Variants in CEBPD observed in about 807,000 individuals in gnomAD.
CEBPD encodes CCAAT enhancer binding protein delta.
For missense variants in CEBPD, 410 were observed against 409.4 expected, an observed-to-expected ratio of 1.00 and a Z score of -0.01; for synonymous variants, 227 against 194.8, an observed-to-expected ratio of 1.17 and a Z score of -1.38.
In CEBPD at chr8:47,737,512, G is replaced by A. The variant is rs769421427; in HGVS notation, c.609C>T (p.Ile203=). 1.2e-6 allele frequency: 2 copies of A among 1,605,786 alleles called. No homozygotes were observed. The highest frequency in any genetic ancestry group is 2.3e-5 in the East Asian group (1 of 44,382). The part of the protein sequence containing the change: ...EYRQRRERNN[I]AVRKSRDKAK... ...CCTTGTCGCGGCTCTTGCGCACGGC[G>A]ATGTTGTTGCGCTCGCGCCGCTGCC... Residue 203 remains isoleucine (I), a synonymous_variant, in exon 1 of 1, where the codon ATC becomes ATT. Transcript: ENST00000408965.
Position 47,737,521 on chromosome 8 carries a change from G to A in CEBPD, c.600C>T (p.Arg200=). The stretch of plus-strand genomic sequence containing the variant: ...GGCTCTTGCGCACGGCGATGTTGTT[G>A]CGCTCGCGCCGCTGCCGGTACTCGG... ...GSPEYRQRRE[R]NNIAVRKSRD... Residue 200 remains arginine, a synonymous_variant, in exon 1 of 1, where the codon CGC becomes CGT. Transcript: ENST00000408965. 6.2e-7 allele frequency: 1 copy of A among 1,604,110 alleles called. No homozygotes were observed. Among genetic ancestry groups the A allele is most frequent in the Non-Finnish European group, 8.5e-7 (1 of 1,177,570 alleles).
Position 47,737,354 on chromosome 8 carries a change from C to A in CEBPD, c.767G>T (p.Ser256Ile), listed in dbSNP as rs766334986. 6.3e-7 allele frequency: 1 copy of A among 1,596,922 alleles called. No individual in the cohort carries two copies. Among genetic ancestry groups the A allele is most frequent in the Non-Finnish European group, 8.5e-7 (1 of 1,174,110 alleles). The change falls in exon 1 of 1, where the codon AGC (serine) becomes ATC (isoleucine). Residue 256 changes from serine (S) to isoleucine (I), a missense_variant. Coordinates refer to ENST00000408965, the MANE Select transcript of CEBPD (RefSeq NM_005195.4). The stretch of plus-strand genomic sequence containing the variant: ...CCCGGCGGCCGGCAGGAAGGGCGGG[C>A]TGGGCAGCTGCTTGAAGAACTGCCG... ...GLRQFFKQLP[S>I]PPFLPAAGTA...
Position 47,738,031 on chromosome 8 carries a change from C to A in CEBPD, c.90G>T (p.Ala30=). Reference sequence around the variant, plus strand: ...GCTCGGCCCCGCGGCCCGGCTTGCCCGCCCGGCCCGGTTCGTAGAAGGGCG... The same window carrying A: ...GCTCGGCCCCGCGGCCCGGCTTGCCAGCCCGGCCCGGTTCGTAGAAGGGCG... The part of the protein sequence containing the change: ...EPAPFYEPGR[A]GKPGRGAEPG... The change falls in exon 1 of 1, where the codon GCG becomes GCT. Residue 30 remains alanine, a synonymous_variant. Coordinates refer to ENST00000408965, the MANE Select transcript of CEBPD (RefSeq NM_005195.4). This position sits in a 1 kb window ranked among gnomAD's most constrained non-coding sequence, Gnocchi z 4.1. 7.7e-7 allele frequency: 1 copy of A among 1,296,802 alleles called. No individual in the cohort carries two copies. Among genetic ancestry groups the A allele is most frequent in the East Asian group, 3.2e-5 (1 of 30,970 alleles). 80.3% of individuals were successfully genotyped at this position (1,296,802 alleles called of 1,614,324 possible).
Position 47,737,394 on chromosome 8 carries a change from C to G in CEBPD, c.727G>C (p.Asp243His), listed in dbSNP as rs1206635286. 1 of 1,601,888 alleles carries G rather than the reference C, an allele frequency of 6.2e-7. No individual in the cohort carries two copies. The highest frequency in any genetic ancestry group is 2.3e-5 in the East Asian group (1 of 44,184). Residue 243 changes from aspartate (D) to histidine (H), a missense_variant, in exon 1 of 1, where the codon GAC becomes CAC. Transcript: ENST00000408965. ...AAGAACTGCCGGAGGCCGGCCAGGTCCCGCGTGAGCTGCTCCACGCGCTGG... is the reference window on the plus strand; with the variant it reads ...AAGAACTGCCGGAGGCCGGCCAGGTGCCGCGTGAGCTGCTCCACGCGCTGG... Reference protein sequence around the residue: ...LHQRVEQLTRDLAGLRQFFKQ... With the variant: ...LHQRVEQLTRHLAGLRQFFKQ...
rs35029833 is a variant in CEBPD at position 47,737,509 on chromosome 8, G to A, written c.612C>T (p.Ala204=). 49 of 1,606,920 alleles carry A rather than the reference G, an allele frequency of 3.0e-5. No homozygotes were observed. Among genetic ancestry groups the A allele is most frequent in the Non-Finnish European group, 3.9e-5 (46 of 1,178,570 alleles). The part of the protein sequence containing the change: ...YRQRRERNNI[A]VRKSRDKAKR... ...TGGCCTTGTCGCGGCTCTTGCGCACGGCGATGTTGTTGCGCTCGCGCCGCT... is the reference window on the plus strand; with the variant it reads ...TGGCCTTGTCGCGGCTCTTGCGCACAGCGATGTTGTTGCGCTCGCGCCGCT... The change falls in exon 1 of 1, where the codon GCC becomes GCT. Residue 204 remains alanine, a synonymous_variant. Coordinates refer to ENST00000408965, the MANE Select transcript of CEBPD (RefSeq NM_005195.4).
chr8:47,738,085 C>A lies in CEBPD; in HGVS notation c.36G>T (p.Ala12=). 8.4e-7 allele frequency: 1 copy of A among 1,191,670 alleles called. No homozygotes were observed. 73.8% of individuals were successfully genotyped at this position (1,191,670 alleles called of 1,614,324 possible). The part of the protein sequence containing the change: ...SAALFSLDGP[A]RGAPWPAEPA... ...GCTCCGCAGGCCAGGGCGCGCCGCG[C>A]GCCGGGCCGTCCAGGCTGAAGAGCG... Residue 12 remains alanine (A), a synonymous_variant, in exon 1 of 1, where the codon GCG becomes GCT. Coordinates refer to ENST00000408965, the MANE Select transcript of CEBPD (RefSeq NM_005195.4). The surrounding 1 kb of genome is among the most constrained non-coding windows in gnomAD (Gnocchi z 4.1).
rs1013357162 is a variant in CEBPD at position 47,737,754 on chromosome 8, G to A, written c.367C>T (p.Pro123Ser). Residue 123 changes from proline to serine, a missense_variant, in exon 1 of 1, where the codon CCC (proline) becomes TCC (serine). Pro to Ser is a moderately conservative substitution (Grantham distance 74, BLOSUM62 -1). Coordinates refer to ENST00000408965, the MANE Select transcript of CEBPD (RefSeq NM_005195.4). ...PAAPRLLKRE[P>S]DWGDGDAPGS... ...GGCGCGTCGCCGTCGCCCCAGTCGG[G>A]CTCGCGCTTGAGCAGGCGGGGAGCG... is the stretch of plus-strand genomic sequence containing the variant. 4.9e-6 allele frequency: 6 copies of A among 1,234,892 alleles called. No individual in the cohort carries two copies. The highest frequency in any genetic ancestry group is 4.7e-5 in the African/African-American group (3 of 63,450). 76.5% of individuals were successfully genotyped at this position (1,234,892 alleles called of 1,614,324 possible). A position where few individuals can be genotyped will look rare whatever the true frequency, so the allele number is the denominator to read the frequency against.
rs1433711208 is a variant in CEBPD at position 47,737,975 on chromosome 8, G to A, written c.146C>T (p.Ala49Val). 4.1e-6 allele frequency: 6 copies of A among 1,473,860 alleles called. No individual in the cohort carries two copies. The highest frequency in any genetic ancestry group is 5.4e-6 in the Non-Finnish European group (6 of 1,107,294). 91.3% of individuals were successfully genotyped at this position (1,473,860 alleles called of 1,614,324 possible). A position where few individuals can be genotyped will look rare whatever the true frequency, so the allele number is the denominator to read the frequency against. Residue 49 changes from alanine to valine, a missense_variant, in exon 1 of 1, where the codon GCC becomes GTC. Transcript: ENST00000408965. ...PGALGEPGAA[A>V]PAMYDDESAI... ...GCTCTCGTCGTCGTACATGGCGGGG[G>A]CGGCGGCGCCTGGCTCGCCTAGGGC...
chr8:47,738,079 G>A lies in CEBPD; in HGVS notation c.42C>T (p.Gly14=), dbSNP rs1336502332. 5 of 1,195,720 alleles carry A rather than the reference G, an allele frequency of 4.2e-6. No individual in the cohort carries two copies. The highest frequency in any genetic ancestry group is 1.6e-5 in the African/African-American group (1 of 62,374). The allele number at this position is 1,195,720 out of a possible 1,614,324, so 74.1% of individuals were successfully genotyped here. Residue 14 remains glycine, a synonymous_variant, in exon 1 of 1, where the codon GGC becomes GGT. Coordinates refer to ENST00000408965, the MANE Select transcript of CEBPD (RefSeq NM_005195.4). This position sits in a 1 kb window ranked among gnomAD's most constrained non-coding sequence, Gnocchi z 4.1. The part of the protein sequence containing the change: ...ALFSLDGPAR[G]APWPAEPAPF... ...GCGCAGGCTCCGCAGGCCAGGGCGC[G>A]CCGCGCGCCGGGCCGTCCAGGCTGA...
In CEBPD at chr8:47,737,765, A is replaced by C. The variant is rs2086280225; in HGVS notation, c.356T>G (p.Leu119Arg). 1.6e-6 allele frequency: 2 copies of C among 1,254,866 alleles called. No individual in the cohort carries two copies. The highest frequency in any genetic ancestry group is 6.5e-5 in the East Asian group (2 of 30,684). 77.7% of individuals were successfully genotyped at this position (1,254,866 alleles called of 1,614,324 possible). A position where few individuals can be genotyped will look rare whatever the true frequency, so the allele number is the denominator to read the frequency against. The change falls in exon 1 of 1, where the codon CTC (leucine) becomes CGC (arginine). Residue 119 changes from leucine (L) to arginine (R), a missense_variant. Leu to Arg is a moderately radical substitution (Grantham distance 102, BLOSUM62 -2). Transcript: ENST00000408965. ...LGPGPAAPRLLKREPDWGDGD... is the reference protein window; with the variant it reads ...LGPGPAAPRLRKREPDWGDGD... ...GTCGCCCCAGTCGGGCTCGCGCTTG[A>C]GCAGGCGGGGAGCGGCAGGGCCCGG...
At position 47,737,545 on chromosome 8, in the gene CEBPD, G is replaced by A; in HGVS notation, c.576C>T (p.Pro192=). 1.9e-6 allele frequency: 3 copies of A among 1,598,382 alleles called. No homozygotes were observed. Among genetic ancestry groups the A allele is most frequent in the South Asian group, 1.1e-5 (1 of 89,294 alleles). The change falls in exon 1 of 1, where the codon CCC becomes CCT. Residue 192 remains proline (P), a synonymous_variant. Coordinates refer to ENST00000408965, the MANE Select transcript of CEBPD (RefSeq NM_005195.4). ...AGKRGPDRGS[P]EYRQRRERNN... ...TGCGCTCGCGCCGCTGCCGGTACTC[G>A]GGGCTGCCGCGGTCCGGGCCCCTCT...
Position 47,737,647 on chromosome 8 carries a change from G to C in CEBPD, c.474C>G (p.Pro158=). ...SLAAAGQPTP[P]TSPEPPRSSP... Reference sequence around the variant, plus strand: ...TGCTGCGCGGCGGCTCCGGCGACGTGGGCGGGGTGGGCTGCCCTGCGGCCG... The same window carrying C: ...TGCTGCGCGGCGGCTCCGGCGACGTCGGCGGGGTGGGCTGCCCTGCGGCCG... The change falls in exon 1 of 1, where the codon CCC becomes CCG. Residue 158 remains proline (P), a synonymous_variant. Transcript: ENST00000408965. 1 of 1,270,952 alleles carries C rather than the reference G, an allele frequency of 7.9e-7. No homozygotes were observed. The highest frequency in any genetic ancestry group is 9.9e-7 in the Non-Finnish European group (1 of 1,014,096). 78.7% of individuals were successfully genotyped at this position (1,270,952 alleles called of 1,614,324 possible).
At position 47,737,753 on chromosome 8, in the gene CEBPD, G is replaced by A; in HGVS notation, c.368C>T (p.Pro123Leu). 1.6e-6 allele frequency: 2 copies of A among 1,234,320 alleles called. No homozygotes were observed. The highest frequency in any genetic ancestry group is 1.0e-6 in the Non-Finnish European group (1 of 990,964). The allele number at this position is 1,234,320 out of a possible 1,614,324, so 76.5% of individuals were successfully genotyped here. ...PAAPRLLKRE[P>L]DWGDGDAPGS... is the part of the protein sequence containing the mutation. ...GGGCGCGTCGCCGTCGCCCCAGTCG[G>A]GCTCGCGCTTGAGCAGGCGGGGAGC... The change falls in exon 1 of 1, where the codon CCC becomes CTC. Residue 123 changes from proline to leucine, a missense_variant. By Grantham distance (98) the Pro-to-Leu change is moderately conservative (BLOSUM62 -3). Transcript: ENST00000408965.
Position 47,737,846 on chromosome 8 carries a change from G to C in CEBPD, c.275C>G (p.Ala92Gly), listed in dbSNP as rs1439396246. Residue 92 changes from alanine (A) to glycine (G), a missense_variant, in exon 1 of 1, where the codon GCG becomes GGG. Transcript: ENST00000408965. ...AAGCTCCAGGGGCCCCGCGCCGCCCGCCTTGTGATTGCTGTTGAAGAGGTC... is the reference window on the plus strand; with the variant it reads ...AAGCTCCAGGGGCCCCGCGCCGCCCCCCTTGTGATTGCTGTTGAAGAGGTC... ...FADLFNSNHK[A>G]GGAGPLELLP... 1.4e-5 allele frequency: 20 copies of C among 1,471,638 alleles called. No homozygotes were observed. Among genetic ancestry groups the C allele is most frequent in the Admixed American group, 4.6e-5 (2 of 43,946 alleles). The allele number at this position is 1,471,638 out of a possible 1,614,324, so 91.2% of individuals were successfully genotyped here.
In CEBPD at chr8:47,738,086, G is replaced by T. The variant is rs1399322864; in HGVS notation, c.35C>A (p.Ala12Glu). Residue 12 changes from alanine (A) to glutamate (E), a missense_variant, in exon 1 of 1, where the codon GCG (alanine) becomes GAG (glutamate). Coordinates refer to ENST00000408965, the MANE Select transcript of CEBPD (RefSeq NM_005195.4). This position sits in a 1 kb window ranked among gnomAD's most constrained non-coding sequence, Gnocchi z 4.1. ...SAALFSLDGP[A>E]RGAPWPAEPA... is the part of the protein sequence containing the mutation. ...CTCCGCAGGCCAGGGCGCGCCGCGC[G>T]CCGGGCCGTCCAGGCTGAAGAGCGC... is the stretch of plus-strand genomic sequence containing the variant. 3.4e-6 allele frequency: 4 copies of T among 1,191,404 alleles called. No individual in the cohort carries two copies. The highest frequency in any genetic ancestry group is 8.3e-5 in the South Asian group (2 of 24,238). 73.8% of individuals were successfully genotyped at this position (1,191,404 alleles called of 1,614,324 possible). A position where few individuals can be genotyped will look rare whatever the true frequency, so the allele number is the denominator to read the frequency against.
chr8:47,737,323 T>A lies in CEBPD; in HGVS notation c.798A>T (p.Ala266=). ...CCCCGGCCGCGCGTTACCGGCAGTC[T>A]GCTGTCCCGGCGGCCGGCAGGAAGG... ...SPPFLPAAGT[A]DCR is the part of the protein sequence containing the mutation. The change falls in exon 1 of 1, where the codon GCA becomes GCT. Residue 266 remains alanine (A), a synonymous_variant. Coordinates refer to ENST00000408965, the MANE Select transcript of CEBPD (RefSeq NM_005195.4). 6.3e-7 allele frequency: 1 copy of A among 1,594,682 alleles called. No individual in the cohort carries two copies.
Position 47,737,206 on chromosome 8 carries a change from G to T in CEBPD, c.*105C>A, listed in dbSNP as rs1326395829. On this transcript the variant is annotated 3_prime_UTR_variant, in exon 1 of 1. Coordinates refer to ENST00000408965, the MANE Select transcript of CEBPD (RefSeq NM_005195.4). Reference sequence around the variant, plus strand: ...CTCCTATGTCCCAAGAAACTGCAGCGGGCACCCGGCGGCTCTGGCTGCGCC... The same window carrying T: ...CTCCTATGTCCCAAGAAACTGCAGCTGGCACCCGGCGGCTCTGGCTGCGCC... 10 of 1,023,724 alleles carry T rather than the reference G, an allele frequency of 9.8e-6. No homozygotes were observed. The highest frequency in any genetic ancestry group is 1.2e-5 in the Non-Finnish European group (9 of 729,030). 63.4% of individuals were successfully genotyped at this position (1,023,724 alleles called of 1,614,324 possible).
Position 47,737,979 on chromosome 8 carries a change from CGGCGCCTGGCTCGCCTAG to C in CEBPD, c.124_141del (p.Leu42_Ala47del), listed in dbSNP as rs748648042. 2 of 1,466,970 alleles carry C rather than the reference CGGCGCCTGGCTCGCCTAG, an allele frequency of 1.4e-6. No homozygotes were observed. Among genetic ancestry groups the C allele is most frequent in the Non-Finnish European group, 1.8e-6 (2 of 1,104,264 alleles). The allele number at this position is 1,466,970 out of a possible 1,614,324, so 90.9% of individuals were successfully genotyped here. On this transcript the variant is annotated inframe_deletion, in exon 1 of 1. Transcript: ENST00000408965. Reference sequence around the variant, plus strand: ...TCGTCGTCGTACATGGCGGGGGCGGCGGCGCCTGGCTCGCCTAGGGCCCCTGGCTCGGCCCCGCGGCCC... The same window carrying C: ...TCGTCGTCGTACATGGCGGGGGCGGCGGCCCCTGGCTCGGCCCCGCGGCCC...
rs926400411 is a variant in CEBPD, at chr8:47,738,137, G to C, written c.-17C>G. 1.5e-5 allele frequency: 17 copies of C among 1,167,910 alleles called. No homozygotes were observed. The highest frequency in any genetic ancestry group is 1.8e-5 in the Non-Finnish European group (17 of 947,400). 72.3% of individuals were successfully genotyped at this position (1,167,910 alleles called of 1,614,324 possible). ...GGCGCTCATGGCGGCGTCGGGCCGG[G>C]CTCTGCGTCCAAGCGAGGCTGTCAC... On this transcript the variant is annotated 5_prime_UTR_variant, in exon 1 of 1. Transcript: ENST00000408965. The surrounding 1 kb of genome is among the most constrained non-coding windows in gnomAD (Gnocchi z 4.1).
Sources: gnomAD v4.1 joint callset for allele counts on GRCh38, gnomAD v4.1.1 for gene constraint, Gnocchi (gnomAD v3.1) non-coding constraint, MANE v1.5 for transcripts, NCBI Gene and HGNC (gene_info 2026-07-23, HGNC 2026-07-21) for gene names.